The following C3orf22 variants were observed in gnomAD, a reference collection of about 807,000 sequenced individuals.
The protein encoded by C3orf22 is uncharacterized protein C3orf22.
A neutral mutation model predicts 10.8 loss-of-function variants in C3orf22; 7 were observed. The observed-to-expected ratio is 0.65, with a 90% confidence interval of 0.37 to 1.22. The LOEUF (loss-of-function observed/expected upper bound fraction) is 1.22, where lower values mean the gene tolerates loss of function less well. Among genes scored for constraint, C3orf22 ranks in the 50% most tolerant of loss-of-function variants. The pLI is 0.02. For synonymous variants in C3orf22, 79 were observed against 78.9 expected (o/e 1.00, Z 0.00); for missense variants, 173 against 177.0 (o/e 0.98, Z 0.13).
downstream of C3orf22, among the ~76,000 whole-genome samples, chr3:126,546,348 C>T (rs149121311): frequency 2.6e-4 from 39 of 152,336 alleles, no homozygotes; most frequent in East Asian, 5.0e-3. Flanking sequence ...GATTTCCCCA[C>T]GGGGACTGGG....
intron 4 of C3orf22, chr3:126,542,776 C>A: frequency 1.5e-6 from 1 of 687,858 alleles, no homozygotes; most frequent in Non-Finnish European, 2.1e-6. Context: ...ACGCGTGTGC[C>A]TGCCTCGGCC....
intron 1 of C3orf22, among the ~76,000 whole-genome samples, chr3:126,555,835 G>A (rs572804236): frequency 6.6e-6 from 1 of 152,276 alleles, no homozygotes; most frequent in East Asian, 1.9e-4. Context: ...TGCCAGCTTT[G>A]TCTCCGCAGG....
chr3:126,538,871 A>G (rs1172353518), intron 4 of C3orf22, among the ~76,000 whole-genome samples: 2 of 152,128 alleles, frequency 1.3e-5, no homozygotes, highest in Admixed American at 6.5e-5. Context: ...AAATGGTGAG[A>G]TTTTAAAAAT....
intron 4 of C3orf22, among the ~76,000 whole-genome samples, chr3:126,539,699 C>A (rs1576235187): frequency 7.7e-6 from 1 of 130,142 alleles, no homozygotes; most frequent in Non-Finnish European, 1.7e-5. Context: ...CACACACACA[C>A]CACACACATA....
intron 1 of C3orf22, among the ~76,000 whole-genome samples, chr3:126,554,308 G>C (rs1172197373): frequency 6.8e-6 from 1 of 146,444 alleles, no homozygotes; most frequent in African/African-American, 2.5e-5. Flanking sequence ...CTCGTCCCCA[G>C]GCTGGAGTGC....
Position 126,549,783 on chromosome 3 carries a change from C to T in C3orf22, c.*85G>A, listed in dbSNP as rs1576245253. The T allele has an allele frequency of 2.6e-6, 4 of 1,523,162 alleles. No homozygotes were observed. Among genetic ancestry groups the T allele is most frequent in the Middle Eastern group, 1.8e-4 (1 of 5,590 alleles). 94.4% of individuals were successfully genotyped at this position (1,523,162 alleles called of 1,614,324 possible). A position where few individuals can be genotyped will look rare whatever the true frequency, so the allele number is the denominator to read the frequency against. On this transcript the variant is annotated 3_prime_UTR_variant, in exon 4 of 4. Transcript: ENST00000318225. Reference sequence around the variant, plus strand: ...TCTATGATGGCCATGAAGGCTGATCCCTTTACTAAAGTCTCTGTGGCTACT... The same window carrying T: ...TCTATGATGGCCATGAAGGCTGATCTCTTTACTAAAGTCTCTGTGGCTACT...
intron 1 of C3orf22, 40 bp from the exon 2 acceptor site, chr3:126,553,470 T>TGGGGGGGG: frequency 3.7e-6 from 2 of 543,584 alleles, no homozygotes; most frequent in Non-Finnish European, 6.7e-6. Context: ...GCAGGGGTGG[T>TGGGGGGGG]GGGGGGCAGA....
intron 4 of C3orf22, chr3:126,542,336 G>C: frequency 6.4e-7 from 1 of 1,565,982 alleles, no homozygotes; most frequent in Non-Finnish European, 8.6e-7. Context: ...CCTCCGCTAC[G>C]ACGTCGTGGG....
At chr3:126,556,098 G>A (rs1025573725) in intron 1 of C3orf22, among the ~76,000 whole-genome samples, 2 of 152,222 alleles carry the variant, frequency 1.3e-5, no homozygotes, top group African/African-American at 4.8e-5. Context: ...CCAGAAGCAG[G>A]GAGCCTGCAT....
intron 4 of C3orf22, among the ~76,000 whole-genome samples, chr3:126,539,503 ACACACACCC>A (rs113853159): frequency 2.8e-4 from 42 of 147,422 alleles, no homozygotes; most frequent in African/African-American, 3.0e-4. Context: ...ACCCCACACC[ACACACACCC>A]CACACACCCC....
intron 1 of C3orf22, among the ~76,000 whole-genome samples, chr3:126,556,398 G>T (rs1937329936): frequency 6.6e-6 from 1 of 152,058 alleles, no homozygotes; most frequent in African/African-American, 2.4e-5. Flanking sequence ...CAGCCATGGT[G>T]AGGACACACC....
At chr3:126,545,138 G>A (rs1405205951), downstream of C3orf22, among the ~76,000 whole-genome samples, 19 of 152,264 alleles carry the variant, frequency 1.2e-4, no homozygotes, top group Non-Finnish European at 8.8e-5. Flanking sequence ...ACAGGGGGGT[G>A]CCCAGGTGAT....
exon 5 of C3orf22, chr3:126,529,175 AGAG>A (rs1936597255): frequency 1.0e-5 from 6 of 596,000 alleles, no homozygotes; most frequent in Non-Finnish European, 1.7e-5. Context: ...GTGGGTGTGC[AGAG>A]GAGGATGGTC....
chr3:126,547,502 T>G (rs1937088586), downstream of C3orf22, among the ~76,000 whole-genome samples: 1 of 152,168 alleles, frequency 6.6e-6, no homozygotes, highest in African/African-American at 2.4e-5. Flanking sequence ...TTACAGACCA[T>G]GTATGTTTTT....
exon 5 of C3orf22, chr3:126,529,292 G>T: frequency 7.8e-7 from 1 of 1,285,292 alleles, no homozygotes; most frequent in South Asian, 1.2e-5. Flanking sequence ...TGCAGCAATC[G>T]CATGGCCTTG....
chr3:126,534,856 C>G (rs1163643798), intron 4 of C3orf22, among the ~76,000 whole-genome samples: 1 of 150,080 alleles, frequency 6.7e-6, no homozygotes, highest in Non-Finnish European at 1.5e-5. Context: ...CTGTCCTCAG[C>G]TGGGAGACAG....
At chr3:126,554,277 T>G (rs1937273209) in intron 1 of C3orf22, among the ~76,000 whole-genome samples, 1 of 132,014 alleles carries the variant, frequency 7.6e-6, no homozygotes, top group Non-Finnish European at 1.7e-5. Flanking sequence ...TTTTTTTTTT[T>G]TTTTGAGACG....
At chr3:126,548,592 G>A (rs867685178), downstream of C3orf22, among the ~76,000 whole-genome samples, 42 of 152,362 alleles carry the variant, frequency 2.8e-4, no homozygotes, top group Middle Eastern at 0.014. Flanking sequence ...CTGCAGGTCT[G>A]TGGGTGCTGC....
intron 4 of C3orf22, among the ~76,000 whole-genome samples, chr3:126,539,559 GCA>G (rs1033518913): frequency 1.1e-3 from 76 of 68,024 alleles, no homozygotes; most frequent in Admixed American, 1.8e-3. Flanking sequence ...CACACACACT[GCA>G]CACACACACA....
Sources: allele counts gnomAD v4.1 joint callset (sites outside exome capture counted in the v4.1 genomes callset), GRCh38; gene constraint gnomAD v4.1.1; transcripts MANE v1.5; gene names NCBI Gene and HGNC (gene_info 2026-07-23, HGNC 2026-07-21).